Variants in TRPC7 observed in about 807,000 individuals in gnomAD.
TRPC7 encodes transient receptor potential cation channel subfamily C member 7.
TRPC7 carries 42 observed loss-of-function variants against 90.1 expected under a neutral mutation model. The observed-to-expected ratio is 0.47, with a 90% confidence interval of 0.36 to 0.60. The LOEUF is 0.60. TRPC7 is among the 20% of genes least tolerant of loss of function. The probability of loss-of-function intolerance (pLI) is 0.00; values close to 1 mark genes in which losing one functional copy is unlikely to be tolerated. For synonymous variants in TRPC7, 451 were observed against 436.3 expected (o/e 1.03, Z -0.42); for missense variants, 955 against 1,112.3 (o/e 0.86, Z 2.01).
At chr5:136,290,511 T>A (rs1013588459) in intron 3 of TRPC7, among the ~76,000 whole-genome samples, 4 of 152,276 alleles carry the variant, frequency 2.6e-5, no homozygotes, top group Non-Finnish European at 5.9e-5. Flanking sequence ...CCTCAGTAAC[T>A]GATGTGATCA....
At chr5:136,313,371 ATGTC>A (rs61172661) in intron 3 of TRPC7, among the ~76,000 whole-genome samples, 55,786 of 149,240 alleles carry the variant, frequency 0.37, 10,712 homozygotes, top group East Asian at 0.49. Flanking sequence ...GCCTCAGGAG[ATGTC>A]TGTCTATCTA....
intron 4 of TRPC7, among the ~76,000 whole-genome samples, chr5:136,269,176 G>C (rs562462903): frequency 3.3e-5 from 5 of 152,154 alleles, no homozygotes; most frequent in Non-Finnish European, 7.3e-5. Context: ...CAAAAAATGT[G>C]GGCTAAAGCA....
At chr5:136,350,075 T>G (rs1760141339) in intron 2 of TRPC7, among the ~76,000 whole-genome samples, 1 of 152,172 alleles carries the variant, frequency 6.6e-6, no homozygotes, top group Non-Finnish European at 1.5e-5. Flanking sequence ...TAGTGAGCTG[T>G]ATCATCTAGG....
chr5:136,365,523 C>A lies in TRPC7; in HGVS notation c.-269G>T. On this transcript the variant is annotated 5_prime_UTR_variant, in exon 1 of 12. Transcript: ENST00000513104. ...GGGGGAAATTTCCCAGAGAACATGA[C>A]GGAGAAGCATCTGTGTGAGAGTGGC... The A allele has an allele frequency of 3.6e-6, 2 of 558,120 alleles. No homozygotes were observed. The highest frequency in any genetic ancestry group is 6.4e-6 in the Non-Finnish European group (2 of 313,226). The allele number at this position is 558,120 out of a possible 1,614,324, so 34.6% of individuals were successfully genotyped here.
At chr5:136,243,555 C>T (rs1477919583) in intron 7 of TRPC7, among the ~76,000 whole-genome samples, 2 of 152,058 alleles carry the variant, frequency 1.3e-5, no homozygotes, top group African/African-American at 4.8e-5. Context: ...GGATGGGCTG[C>T]TCTGGAGCAA....
At chr5:136,248,870 G>T (rs1412964663) in intron 6 of TRPC7, among the ~76,000 whole-genome samples, 1 of 152,236 alleles carries the variant, frequency 6.6e-6, no homozygotes, top group Non-Finnish European at 1.5e-5. Flanking sequence ...TCTCATGGAG[G>T]ATGTGTGGCG....
intron 1 of TRPC7, among the ~76,000 whole-genome samples, chr5:136,363,164 G>A (rs917872325): frequency 6.6e-6 from 1 of 152,040 alleles, no homozygotes; most frequent in African/African-American, 2.4e-5. Context: ...AATATCAGAG[G>A]GCATATGATG....
chr5:136,256,542 C>G (rs1445198097), intron 5 of TRPC7, among the ~76,000 whole-genome samples: 2 of 142,412 alleles, frequency 1.4e-5, no homozygotes, highest in Non-Finnish European at 3.1e-5. Context: ...ATATCCTTAC[C>G]CAGTATTCCC....
Position 136,234,310 on chromosome 5 carries a change from C to CT in TRPC7, c.1845-2762dup, listed in dbSNP as rs111485168. ...CTTAGACAAACTATACATTTCTTTT[C>CT]TTTTTTTTTTTTTCTGAGACAGAGT... is the stretch of plus-strand genomic sequence containing the variant. On this transcript the variant is annotated intron_variant, in intron 7 of 11. Coordinates refer to ENST00000513104, the MANE Select transcript of TRPC7 (RefSeq NM_020389.3). Among the ~76,000 whole-genome samples, 892 of 145,604 alleles carry CT rather than the reference C, an allele frequency of 6.1e-3. 6 individuals are homozygous for CT. Among genetic ancestry groups the CT allele is most frequent in the African/African-American group, 0.017 (688 of 40,024 alleles).
At position 136,225,250 on chromosome 5, in the gene TRPC7, G is replaced by A. The variant is rs368617996; in HGVS notation, c.2343+24C>T. The A allele has an allele frequency of 1.5e-4, 235 of 1,606,838 alleles. 2 individuals are homozygous for A. In the South Asian group the frequency reaches 1.9e-3, roughly 13 times the overall value. Reference sequence around the variant, plus strand: ...TGGAGTCTACTTCTGCCCATGCTTGGATGCTTGGGAAAGGGGTGGTTACCT... The same window carrying A: ...TGGAGTCTACTTCTGCCCATGCTTGAATGCTTGGGAAAGGGGTGGTTACCT... On this transcript the variant is annotated intron_variant, in intron 10 of 11. Transcript: ENST00000513104.
intron 1 of TRPC7, among the ~76,000 whole-genome samples, chr5:136,358,779 A>G (rs1760469727): frequency 6.6e-6 from 1 of 151,986 alleles, no homozygotes; most frequent in Non-Finnish European, 1.5e-5. Flanking sequence ...CACATCTTAA[A>G]CTTTTTTGAT....
chr5:136,213,332 C>A lies in TRPC7; in HGVS notation c.*103G>T. The A allele has an allele frequency of 8.2e-7, 1 of 1,216,628 alleles. No homozygotes were observed. 75.4% of individuals were successfully genotyped at this position (1,216,628 alleles called of 1,614,324 possible). A position where few individuals can be genotyped will look rare whatever the true frequency, so the allele number is the denominator to read the frequency against. ...TGAGCCAGGAGATCCCCTTCGTGTC[C>A]TAGAGGAGTGGGCTGGGGACCCCTC... On this transcript the variant is annotated 3_prime_UTR_variant, in exon 12 of 12. Coordinates refer to ENST00000513104, the MANE Select transcript of TRPC7 (RefSeq NM_020389.3).
At chr5:136,225,935 A>T in intron 9 of TRPC7, 99 bp downstream of exon 9, 3 of 998,744 alleles carry the variant, frequency 3.0e-6, no homozygotes, top group African/African-American at 1.7e-5. Flanking sequence ...CTCCCCTTGC[A>T]TGGGGTGGGG....
chr5:136,314,235 T>G (rs942319608), intron 3 of TRPC7: 2 of 152,196 alleles, frequency 1.3e-5, no homozygotes. Flanking sequence ...TTCTGGGAAC[T>G]CCAGCTCATT....
At chr5:136,239,106 G>A (rs1756078695) in intron 7 of TRPC7, among the ~76,000 whole-genome samples, 1 of 152,104 alleles carries the variant, frequency 6.6e-6, no homozygotes, top group African/African-American at 2.4e-5. Flanking sequence ...AGTGGGTGCA[G>A]TAAGCTCTCT....
intron 2 of TRPC7, among the ~76,000 whole-genome samples, chr5:136,334,900 C>G (rs1391043437): frequency 6.6e-6 from 1 of 152,124 alleles, no homozygotes; most frequent in East Asian, 1.9e-4. Flanking sequence ...GGCCTTGAAG[C>G]CAAGGCTGAC....
chr5:136,301,076 C>G (rs1449733891), intron 3 of TRPC7, among the ~76,000 whole-genome samples: 2 of 152,148 alleles, frequency 1.3e-5, no homozygotes, highest in Admixed American at 1.3e-4. Context: ...GTTGCCCAGG[C>G]TGGAGTGCAG....
chr5:136,351,654 C>G (rs1486290013), intron 2 of TRPC7, among the ~76,000 whole-genome samples: 2 of 152,208 alleles, frequency 1.3e-5, no homozygotes, highest in Non-Finnish European at 2.9e-5. Context: ...TCCTTCTCCT[C>G]ACTCTTCCCC....
At chr5:136,255,228 A>G (rs1384377247) in intron 5 of TRPC7, among the ~76,000 whole-genome samples, 2 of 152,214 alleles carry the variant, frequency 1.3e-5, no homozygotes, top group African/African-American at 4.8e-5. Context: ...AAGAAGTTCT[A>G]CTTTGGGTCA....
Sources: allele counts gnomAD v4.1 joint callset (sites outside exome capture counted in the v4.1 genomes callset), GRCh38; gene constraint gnomAD v4.1.1; transcripts MANE v1.5; gene names NCBI Gene and HGNC (gene_info 2026-07-23, HGNC 2026-07-21).